Variants in RYR3 observed in about 807,000 individuals in gnomAD.
The protein encoded by RYR3 is brain ryanodine receptor-calcium release channel.
In RYR3, 207 loss-of-function variants were observed where a neutral mutation model predicts 584.3. The ratio of observed to expected loss-of-function variants is 0.35; its 90% CI spans 0.32 to 0.40. The LOEUF (loss-of-function observed/expected upper bound fraction) is 0.40, where lower values mean the gene tolerates loss of function less well. Among genes scored for constraint, RYR3 ranks in the 10% least tolerant of loss-of-function variants. The pLI, the probability that RYR3 is intolerant of heterozygous loss-of-function variation, is 1.00. For missense variants in RYR3, 5,616 were observed against 6,089.2 expected (o/e 0.92, Z 2.59); for synonymous variants, 2,416 against 2,248.5 (o/e 1.07, Z -2.11).
At chr15:33,414,776 TAG>T (rs1212218913) in intron 1 of RYR3, among the ~76,000 whole-genome samples, 1 of 152,132 alleles carries the variant, frequency 6.6e-6, no homozygotes, top group Non-Finnish European at 1.5e-5. Context: ...GTATTTTTAG[TAG>T]AGACAGGGTT....
At chr15:33,862,375 AT>A (rs11350081) in intron 102 of RYR3, among the ~76,000 whole-genome samples, 145,314 of 151,036 alleles carry the variant, frequency 0.96, 69,962 homozygotes, top group East Asian at 1. Flanking sequence ...GCACCAGCTA[AT>A]TTTTTTTTTT....
chr15:33,609,212 A>G (rs954776952), intron 18 of RYR3, among the ~76,000 whole-genome samples: 1 of 152,262 alleles, frequency 6.6e-6, no homozygotes, highest in African/African-American at 2.4e-5. Context: ...TTTAAAGACA[A>G]TTGTCCAGTG....
chr15:33,800,335 G>T (rs1448185965), intron 67 of RYR3, among the ~76,000 whole-genome samples: 1 of 152,190 alleles, frequency 6.6e-6, no homozygotes, highest in Non-Finnish European at 1.5e-5. Flanking sequence ...ACAATGACAA[G>T]TGTCCAGGAC....
rs762931172 is a variant in RYR3 at position 33,706,912 on chromosome 15, C to A, written c.6484-7C>A. 1.3e-6 allele frequency: 2 copies of A among 1,595,698 alleles called. No individual in the cohort carries two copies. The highest frequency in any genetic ancestry group is 1.7e-6 in the Non-Finnish European group (2 of 1,170,326). On this transcript the variant is annotated splice_polypyrimidine_tract_variant and splice_region_variant and intron_variant, in intron 42 of 103. Coordinates refer to ENST00000634891, the MANE Select transcript of RYR3 (RefSeq NM_001036.6). ...GCGAAAGAACACTTTTGTACTGTTT[C>A]TGGCAGGTGGTGACCTACTTGGCAG...
intron 85 of RYR3, among the ~76,000 whole-genome samples, chr15:33,828,263 C>G (rs1594251): frequency 0.19 from 29,005 of 152,148 alleles, 3,019 homozygotes; most frequent in East Asian, 0.25. Context: ...CTCCTCAGGC[C>G]TTCCTATTCC....
At chr15:33,593,258 AC>A (rs1182252308) in intron 16 of RYR3, among the ~76,000 whole-genome samples, 1 of 143,436 alleles carries the variant, frequency 7.0e-6, no homozygotes, top group Admixed American at 7.2e-5. Context: ...ACATTTCCCC[AC>A]TTTTCTGTTT....
At chr15:33,743,664 C>T (rs979323595) in intron 52 of RYR3, among the ~76,000 whole-genome samples, 1 of 152,294 alleles carries the variant, frequency 6.6e-6, no homozygotes, top group South Asian at 2.1e-4. Flanking sequence ...ATCACTCAAC[C>T]ATGTGGATTT....
chr15:33,772,424 T>A (rs1706932829), intron 63 of RYR3, among the ~76,000 whole-genome samples: 2 of 152,224 alleles, frequency 1.3e-5, no homozygotes, highest in Admixed American at 1.3e-4. Flanking sequence ...CCTGTCTAGC[T>A]CTCAGCTATT....
chr15:33,658,308 C>G (rs970312132), intron 32 of RYR3, among the ~76,000 whole-genome samples: 2 of 152,258 alleles, frequency 1.3e-5, no homozygotes, highest in Non-Finnish European at 1.5e-5. Context: ...AGGGGCCACT[C>G]TCCCCGCCTT....
chr15:33,863,593 C>T (rs1310744642), intron 102 of RYR3, among the ~76,000 whole-genome samples: 3 of 152,154 alleles, frequency 2.0e-5, no homozygotes, highest in Non-Finnish European at 2.9e-5. Context: ...CAAACTCAAA[C>T]CTAAGATATG....
At chr15:33,861,244 AGT>A in intron 102 of RYR3, 66 bp downstream of exon 102, 2 of 1,175,910 alleles carry the variant, frequency 1.7e-6, no homozygotes, top group South Asian at 2.6e-5. Context: ...TAGGTCATAT[AGT>A]TCAGTCTCTG....
intron 1 of RYR3, among the ~76,000 whole-genome samples, chr15:33,326,353 G>A (rs1397648347): frequency 6.6e-6 from 1 of 152,116 alleles, no homozygotes; most frequent in African/African-American, 2.4e-5. Flanking sequence ...CATGTGCTAG[G>A]GATTGGAGAA....
chr15:33,401,046 T>C (rs2042629193), intron 1 of RYR3, among the ~76,000 whole-genome samples: 1 of 152,144 alleles, frequency 6.6e-6, no homozygotes, highest in Non-Finnish European at 1.5e-5. Context: ...CTGGAACATG[T>C]GAAAGGCATT....
chr15:33,513,280 A>G (rs1264917223), intron 3 of RYR3, among the ~76,000 whole-genome samples: 5 of 152,218 alleles, frequency 3.3e-5, no homozygotes, highest in Non-Finnish European at 5.9e-5. Context: ...TTAAAGCTTA[A>G]TAAGAGCACC....
intron 10 of RYR3, among the ~76,000 whole-genome samples, chr15:33,553,373 T>A (rs902204779): frequency 6.6e-6 from 1 of 152,136 alleles, no homozygotes; most frequent in Non-Finnish European, 1.5e-5. Context: ...TAGGGGCCAC[T>A]GGACAGCTGC....
At chr15:33,370,762 T>C (rs955972546) in intron 1 of RYR3, among the ~76,000 whole-genome samples, 1 of 152,042 alleles carries the variant, frequency 6.6e-6, no homozygotes, top group Non-Finnish European at 1.5e-5. Context: ...AGGGCAGGGC[T>C]CAAGGCAAAG....
At chr15:33,802,349 A>AT in intron 69 of RYR3, among the ~76,000 whole-genome samples, 1 of 152,310 alleles carries the variant, frequency 6.6e-6, no homozygotes, top group East Asian at 1.9e-4. Flanking sequence ...TGCTTTGTAG[A>AT]TTTTGACAGC....
intron 12 of RYR3, among the ~76,000 whole-genome samples, chr15:33,574,188 C>T (rs1355486108): frequency 6.6e-6 from 1 of 152,126 alleles, no homozygotes. Context: ...GCTGCCTCAG[C>T]GAGCTACAAA....
Position 33,827,258 on chromosome 15 carries a change from A to G in RYR3, c.11305A>G (p.Ser3769Gly). ...CACCACCACCGTGAATGTCATCATC[A>G]GCACTGTGGACTACCTTCTGCGTCT... ...GNTTTVNVII[S>G]TVDYLLRLQE... The change falls in exon 85 of 104, where the codon AGC becomes GGC. Residue 3769 changes from serine to glycine, a missense_variant. Ser to Gly is a moderately conservative substitution (Grantham distance 56, BLOSUM62 0). Around this residue, in one of 9 missense-constraint regions of RYR3, gnomAD observed 954 missense variants for 1,132.2 expected, o/e 0.84. Transcript: ENST00000634891. 1.9e-6 allele frequency: 3 copies of G among 1,553,184 alleles called. No homozygotes were observed. Among genetic ancestry groups the G allele is most frequent in the Non-Finnish European group, 2.6e-6 (3 of 1,147,950 alleles).
Sources: gnomAD v4.1 joint callset for allele counts (sites outside exome capture counted in the v4.1 genomes callset) on GRCh38, gnomAD v4.1.1 for gene constraint, gnomAD v4.1.1 regional missense constraint, MANE v1.5 for transcripts, NCBI Gene and HGNC (gene_info 2026-07-23, HGNC 2026-07-21) for gene names.